The following AOPEP variants were observed in gnomAD, a reference collection of about 807,000 sequenced individuals.
The protein encoded by AOPEP is aminopeptidase O.
Under a neutral mutation model 98.1 loss-of-function variants are expected in AOPEP, and 77 were observed. That is an observed-to-expected ratio of 0.78 (90% CI 0.65 to 0.95). The LOEUF (loss-of-function observed/expected upper bound fraction) is 0.95. AOPEP is among the 40% of genes least tolerant of loss of function. The pLI is 0.00. For missense variants in AOPEP, 1,024 were observed against 1,024.7 expected, an observed-to-expected ratio of 1.00 and a Z score of 0.01; for synonymous variants, 346 against 365.3, an observed-to-expected ratio of 0.95 and a Z score of 0.60.
At chr9:95,102,207 C>T in the AOPEP span, among the ~76,000 whole-genome samples, 1 of 152,202 alleles carries the variant, frequency 6.6e-6, no homozygotes. Context: ...GGAACAAAGG[C>T]AAATGAGCAT....
downstream of AOPEP, among the ~76,000 whole-genome samples, chr9:95,089,601 T>C (rs4744443): frequency 0.24 from 36,259 of 152,174 alleles, 5,091 homozygotes; most frequent in Non-Finnish European, 0.32. Context: ...CTCCTGGGGA[T>C]ACTGTCTTGT....
At chr9:94,781,582 A>G (rs1180918490) in intron 3 of AOPEP, among the ~76,000 whole-genome samples, 3 of 149,036 alleles carry the variant, frequency 2.0e-5, no homozygotes, top group Non-Finnish European at 4.4e-5. Flanking sequence ...TTTTTTTGAG[A>G]CAGAGTCTCA....
At chr9:94,872,241 C>T (rs1022221520) in intron 5 of AOPEP, among the ~76,000 whole-genome samples, 1 of 152,110 alleles carries the variant, frequency 6.6e-6, no homozygotes, top group Non-Finnish European at 1.5e-5. Flanking sequence ...CGCACTCTGG[C>T]AGAGATCTAA....
In AOPEP at chr9:94,734,669, A is replaced by G. The variant is rs528044379; in HGVS notation, c.-136+7918A>G. On this transcript the variant is annotated intron_variant, in intron 1 of 16. Transcript: ENST00000375315. ...CAAAGTTTGGTCTCTGGACCAGCAT[A>G]TTAATATTGGAACTTGTTAGAAATG... Among the ~76,000 whole-genome samples, 16 of 152,326 alleles carry G rather than the reference A, an allele frequency of 1.1e-4. No homozygotes were observed. In the East Asian group the frequency reaches 3.1e-3, roughly 29 times the overall value.
intron 13 of AOPEP, among the ~76,000 whole-genome samples, chr9:95,012,253 C>T (rs973311905): frequency 3.9e-5 from 6 of 152,162 alleles, no homozygotes; most frequent in Non-Finnish European, 8.8e-5. Context: ...GCACACATAT[C>T]TAATTTAGGA....
At chr9:94,849,067 C>T (rs2043208250) in intron 5 of AOPEP, among the ~76,000 whole-genome samples, 1 of 152,198 alleles carries the variant, frequency 6.6e-6, no homozygotes, top group Non-Finnish European at 1.5e-5. Context: ...GCGTGAGCCA[C>T]CACACCCGGC....
intron 7 of AOPEP, among the ~76,000 whole-genome samples, chr9:94,941,416 C>T (rs2056996765): frequency 6.6e-6 from 1 of 152,242 alleles, no homozygotes; most frequent in African/African-American, 2.4e-5. Context: ...TTATTTGAAC[C>T]ACATACACTA....
chr9:95,095,943 C>T, the AOPEP span, among the ~76,000 whole-genome samples: 2 of 152,298 alleles, frequency 1.3e-5, no homozygotes, highest in South Asian at 2.1e-4. Context: ...CCAGAAAATG[C>T]TTTCTGCATT....
intron 10 of AOPEP, among the ~76,000 whole-genome samples, chr9:94,969,659 G>A (rs1183464027): frequency 3.3e-5 from 5 of 152,124 alleles, no homozygotes; most frequent in South Asian, 4.2e-4. Flanking sequence ...TGCCCGCCTC[G>A]GCCTCCCAAA....
At chr9:94,743,362 C>G (rs1444013149) in intron 1 of AOPEP, among the ~76,000 whole-genome samples, 1 of 151,962 alleles carries the variant, frequency 6.6e-6, no homozygotes, top group Non-Finnish European at 1.5e-5. Flanking sequence ...GAAAATAAGG[C>G]CTGAGGTTAA....
At chr9:94,879,256 G>C (rs551327850) in intron 5 of AOPEP, among the ~76,000 whole-genome samples, 9 of 152,316 alleles carry the variant, frequency 5.9e-5, no homozygotes, top group Admixed American at 4.6e-4. Context: ...GTTTGTTTTG[G>C]GAAAGGGTTG....
chr9:94,811,514 A>G (rs545760337), intron 5 of AOPEP, among the ~76,000 whole-genome samples: 1 of 151,860 alleles, frequency 6.6e-6, no homozygotes, highest in African/African-American at 2.4e-5. Context: ...CCCATCAGCA[A>G]TCCCTTCTCT....
chr9:95,006,874 T>A (rs1225948530), intron 13 of AOPEP, among the ~76,000 whole-genome samples: 2 of 151,080 alleles, frequency 1.3e-5, no homozygotes, highest in African/African-American at 4.9e-5. Flanking sequence ...TGCTTGGTAT[T>A]TTTTAAAAAA....
chr9:95,100,360 T>A, the AOPEP span: 1 of 231,758 alleles, frequency 4.3e-6, no homozygotes, highest in African/African-American at 2.2e-5. Context: ...ATTTTCCAGA[T>A]CTTCAGTGGA....
the AOPEP span, among the ~76,000 whole-genome samples, chr9:95,139,181 C>G: frequency 6.6e-6 from 1 of 152,240 alleles, no homozygotes; most frequent in South Asian, 2.1e-4. Context: ...TGCAAATGGC[C>G]GATAAAAATG....
rs564616738 is a variant in AOPEP, at chr9:95,015,203, C to G, written c.2115+9587C>G. ...ATTGGATAATTGAATTAACTGAGTC[C>G]ATTTTAGTGCTTTTACCTGGTTTGT... On this transcript the variant is annotated intron_variant, in intron 13 of 16. Coordinates refer to ENST00000375315, the MANE Select transcript of AOPEP (RefSeq NM_001193329.3). Among the ~76,000 whole-genome samples the G allele has an allele frequency of 1.7e-3, 258 of 152,274 alleles. 1 individual carries two copies. The highest frequency in any genetic ancestry group is 6.1e-3 in the African/African-American group (253 of 41,544).
chr9:95,102,811 G>C, the AOPEP span, among the ~76,000 whole-genome samples: 1 of 152,324 alleles, frequency 6.6e-6, no homozygotes, highest in African/African-American at 2.4e-5. Flanking sequence ...GAATGGCAGC[G>C]TGGGGACGCA....
At chr9:94,892,999 T>C (rs944067034) in intron 5 of AOPEP, among the ~76,000 whole-genome samples, 1 of 152,232 alleles carries the variant, frequency 6.6e-6, no homozygotes, top group African/African-American at 2.4e-5. Flanking sequence ...GGATGTTTTA[T>C]GCTATTTTCT....
chr9:94,790,129 C>A (rs988075143), intron 3 of AOPEP, among the ~76,000 whole-genome samples: 4 of 151,808 alleles, frequency 2.6e-5, no homozygotes. Context: ...CCCGCCTCGG[C>A]CTCCCAAAGT....
Sources: allele counts gnomAD v4.1 joint callset (sites outside exome capture counted in the v4.1 genomes callset), GRCh38; gene constraint gnomAD v4.1.1; transcripts MANE v1.5; gene names NCBI Gene and HGNC (gene_info 2026-07-23, HGNC 2026-07-21).